Variants in UNC5B observed in about 807,000 individuals in gnomAD.
UNC5B encodes the protein netrin receptor UNC5B.
In UNC5B, 56 loss-of-function variants were observed where a neutral mutation model predicts 103.7. The observed-to-expected ratio is 0.54, with a 90% CI of 0.44 to 0.67. The LOEUF (loss-of-function observed/expected upper bound fraction) is 0.67. Ranked by LOEUF, UNC5B falls within the 30% of genes least tolerant of loss-of-function variation. The probability of loss-of-function intolerance (pLI) is 0.00; values close to 1 mark genes in which losing one functional copy is unlikely to be tolerated. For missense variants in UNC5B, 1,194 were observed against 1,284.5 expected, an observed-to-expected ratio of 0.93 and a Z score of 1.08; for synonymous variants, 577 against 542.0, an observed-to-expected ratio of 1.06 and a Z score of -0.90.
intron 1 of UNC5B, among the ~76,000 whole-genome samples, chr10:71,231,837 T>C (rs1843690276): frequency 6.6e-6 from 1 of 152,042 alleles, no homozygotes; most frequent in African/African-American, 2.4e-5. Flanking sequence ...GGCACCTAGG[T>C]CCCACCCAGA....
At position 71,299,210 on chromosome 10, in the gene UNC5B, C is replaced by A. The variant is rs754730387; in HGVS notation, c.2771C>A (p.Ala924Glu). ...GACGATGGGGACCTCAACAGCCTGG[C>A]GAGTGCCTTGGAGGAGATGGGCAAG... ...QQDDGDLNSL[A>E]SALEEMGKSE... The change falls in exon 17 of 17, where the codon GCG becomes GAG. Residue 924 changes from alanine to glutamate, a missense_variant. By Grantham distance (107) the Ala-to-Glu change is moderately radical. Transcript: ENST00000335350. 8.1e-6 allele frequency: 13 copies of A among 1,614,242 alleles called. No individual in the cohort carries two copies. In the Middle Eastern group the frequency reaches 6.6e-4, roughly 82 times the overall value.
intron 1 of UNC5B, among the ~76,000 whole-genome samples, chr10:71,226,041 A>G (rs115376960): frequency 0.017 from 2,548 of 152,242 alleles, 67 homozygotes; most frequent in African/African-American, 0.058. Flanking sequence ...CCAAAATCTT[A>G]TCAGATCATA....
intron 1 of UNC5B, among the ~76,000 whole-genome samples, chr10:71,258,011 A>G (rs1180674575): frequency 6.6e-6 from 1 of 152,156 alleles, no homozygotes; most frequent in Non-Finnish European, 1.5e-5. Context: ...CCCAAGAAAC[A>G]CGTGCTTTCA....
At chr10:71,275,184 G>A (rs541520085) in intron 1 of UNC5B, among the ~76,000 whole-genome samples, 17 of 152,304 alleles carry the variant, frequency 1.1e-4, no homozygotes, top group African/African-American at 4.1e-4. Flanking sequence ...CGGGATATCT[G>A]GACCATTCTT....
At chr10:71,256,386 G>A (rs151209752) in intron 1 of UNC5B, among the ~76,000 whole-genome samples, 171 of 152,334 alleles carry the variant, frequency 1.1e-3, no homozygotes, top group African/African-American at 3.5e-3. Context: ...TATGGCTGCC[G>A]CGTCTCCCCA....
chr10:71,290,244 C>A (rs765409454), intron 8 of UNC5B, among the ~76,000 whole-genome samples: 21 of 152,200 alleles, frequency 1.4e-4, no homozygotes, highest in Non-Finnish European at 2.4e-4. Context: ...CCAGACAACC[C>A]TACTTCAGAC....
chr10:71,277,018 C>T (rs1164996943), intron 1 of UNC5B, among the ~76,000 whole-genome samples: 3 of 152,162 alleles, frequency 2.0e-5, no homozygotes, highest in Admixed American at 6.5e-5. Context: ...AGAGGAGGGG[C>T]GGGGTAGGAA....
At chr10:71,290,009 C>G (rs74147811) in intron 8 of UNC5B, among the ~76,000 whole-genome samples, 12,962 of 152,300 alleles carry the variant, frequency 0.085, 779 homozygotes, top group African/African-American at 0.16. Flanking sequence ...CCAAAGGAAG[C>G]AAGGGGAAGA....
At chr10:71,224,705 A>C (rs1451874575) in intron 1 of UNC5B, among the ~76,000 whole-genome samples, 2 of 152,184 alleles carry the variant, frequency 1.3e-5, no homozygotes, top group African/African-American at 4.8e-5. Flanking sequence ...GGGGACATTA[A>C]AGGAAATGGG....
intron 1 of UNC5B, among the ~76,000 whole-genome samples, chr10:71,245,048 G>A (rs934625688): frequency 5.3e-5 from 8 of 152,216 alleles, no homozygotes; most frequent in African/African-American, 1.9e-4. Context: ...TCGTTCCCAC[G>A]AGGAATCAGA....
chr10:71,265,058 CA>C (rs1844494919), intron 1 of UNC5B, among the ~76,000 whole-genome samples: 1 of 151,010 alleles, frequency 6.6e-6, no homozygotes, highest in Non-Finnish European at 1.5e-5. Context: ...TGACATTAGA[CA>C]AGTAACTTAA....
intron 1 of UNC5B, among the ~76,000 whole-genome samples, chr10:71,232,329 A>C (rs541528348): frequency 3.3e-5 from 5 of 152,240 alleles, no homozygotes; most frequent in Admixed American, 3.3e-4. Context: ...ACCACCGCGT[A>C]TGTGTTATAT....
intron 1 of UNC5B, among the ~76,000 whole-genome samples, chr10:71,268,611 C>G (rs986442805): frequency 2.6e-5 from 4 of 152,194 alleles, no homozygotes; most frequent in African/African-American, 7.2e-5. Context: ...AGTTTTTCCA[C>G]TTGGAAATGT....
intron 1 of UNC5B, among the ~76,000 whole-genome samples, chr10:71,260,641 A>G (rs1307513342): frequency 6.6e-6 from 1 of 152,224 alleles, no homozygotes; most frequent in East Asian, 1.9e-4. Context: ...GTTCTCTGCC[A>G]TCCCATTGCT....
intron 1 of UNC5B, among the ~76,000 whole-genome samples, chr10:71,248,856 C>T (rs1190894307): frequency 6.4e-5 from 2 of 31,292 alleles, no homozygotes; most frequent in Admixed American, 2.9e-4. Context: ...CTGTCTCTCT[C>T]TCTCTCTCTC....
chr10:71,252,576 T>C (rs1813472866), intron 1 of UNC5B, among the ~76,000 whole-genome samples: 1 of 152,246 alleles, frequency 6.6e-6, no homozygotes, highest in South Asian at 2.1e-4. Context: ...GCTTTTATTA[T>C]GTGCCAGGCA....
At chr10:71,282,308 G>GA (rs1294184352) in intron 2 of UNC5B, among the ~76,000 whole-genome samples, 4 of 152,348 alleles carry the variant, frequency 2.6e-5, no homozygotes, top group Admixed American at 2.6e-4. Context: ...GATTGGGGCA[G>GA]GCAGCCCAAC....
At position 71,280,053 on chromosome 10, in the gene UNC5B, C is replaced by T. The variant is rs370490769; in HGVS notation, c.304+8C>T. ...GCCTGGATGAGGCCACCGGTGAGCC[C>T]GCCCCACTTGCCTGGGCACCCCAGG... is the stretch of plus-strand genomic sequence containing the variant. On this transcript the variant is annotated splice_region_variant and intron_variant, in intron 2 of 16. Transcript: ENST00000335350. 26 of 1,612,904 alleles carry T rather than the reference C, an allele frequency of 1.6e-5. No homozygotes were observed. In the African/African-American group the frequency reaches 2.7e-4, roughly 17 times the overall value.
chr10:71,293,737 C>A lies in UNC5B; in HGVS notation c.1979C>A (p.Pro660His), dbSNP rs1247750223. The change falls in exon 13 of 17, where the codon CCC becomes CAC. Residue 660 changes from proline (P) to histidine (H), a missense_variant. Pro to His is a moderately conservative substitution (Grantham distance 77). Coordinates refer to ENST00000335350, the MANE Select transcript of UNC5B (RefSeq NM_170744.5). ...CTGGATGAGGAGACCCTGAACACAC[C>A]CTGCTACTGCCAGCTGGAGCCCAGG... ...VTLDEETLNTPCYCQLEPRAC... is the reference protein window; with the variant it reads ...VTLDEETLNTHCYCQLEPRAC... 6.3e-7 allele frequency: 1 copy of A among 1,591,730 alleles called. No individual in the cohort carries two copies. Among genetic ancestry groups the A allele is most frequent in the East Asian group, 2.3e-5 (1 of 43,236 alleles).
Sources: gnomAD v4.1 joint callset for allele counts (sites outside exome capture counted in the v4.1 genomes callset) on GRCh38, gnomAD v4.1.1 for gene constraint, MANE v1.5 for transcripts, NCBI Gene and HGNC (gene_info 2026-07-23, HGNC 2026-07-21) for gene names.